Variants in PTCH2 observed in about 807,000 individuals in gnomAD.
PTCH2 encodes patched 2, also known as protein patched homolog 2.
A neutral mutation model predicts 117.9 loss-of-function variants in PTCH2; 96 were observed. That is an observed-to-expected ratio of 0.81 (90% CI 0.69 to 0.96). The LOEUF is 0.96. PTCH2 is among the 50% of genes least tolerant of loss of function. The pLI, the probability that PTCH2 is intolerant of heterozygous loss-of-function variation, is 0.00. For missense variants in PTCH2, 1,379 were observed against 1,562.5 expected, an observed-to-expected ratio of 0.88 and a Z score of 1.98; for synonymous variants, 615 against 660.9, an observed-to-expected ratio of 0.93 and a Z score of 1.06.
intron 19 of PTCH2, among the ~76,000 whole-genome samples, chr1:44,825,844 CTT>C (rs35549385): frequency 1.7e-4 from 20 of 118,346 alleles, no homozygotes; most frequent in Non-Finnish European, 3.5e-5. Flanking sequence ...AGCCCAAATT[CTT>C]TTTTTTTTTT....
intron 10 of PTCH2, 41 bp from the exon 11 acceptor site, chr1:44,829,115 C>T: frequency 6.2e-7 from 1 of 1,613,750 alleles, no homozygotes; most frequent in East Asian, 2.2e-5. Context: ...ACCCGTGAAG[C>T]CTGGTGACTG....
downstream of PTCH2, chr1:44,821,878 C>T: frequency 7.3e-7 from 1 of 1,365,572 alleles, no homozygotes; most frequent in South Asian, 1.1e-5. Flanking sequence ...CTTCCAATAG[C>T]TAATGTTCAC....
At chr1:44,837,389 G>A (rs986677383) in intron 2 of PTCH2, among the ~76,000 whole-genome samples, 14 of 152,194 alleles carry the variant, frequency 9.2e-5, no homozygotes, top group African/African-American at 3.1e-4. Context: ...GAGTAGCTGC[G>A]ATTACAGGTA....
chr1:44,843,121 G>A lies in PTCH2; in HGVS notation c.-189C>T, dbSNP rs937863925. The A allele has an allele frequency of 6.2e-5, 82 of 1,322,922 alleles. No individual in the cohort carries two copies. Among genetic ancestry groups the A allele is most frequent in the South Asian group, 1.0e-4 (5 of 48,308 alleles). The allele number at this position is 1,322,922 out of a possible 1,614,324, so 81.9% of individuals were successfully genotyped here. On this transcript the variant is annotated 5_prime_UTR_variant, in exon 1 of 22. Coordinates refer to ENST00000372192, the MANE Select transcript of PTCH2 (RefSeq NM_003738.5). ...GGGAGGGAGGAGTGCAGGGAGCTGC[G>A]GGTCCGGGGCGCGGCGCCGGGATTC...
Position 44,830,854 on chromosome 1 carries a change from G to T in PTCH2, c.807C>A (p.Ser269Arg), listed in dbSNP as rs1412509673. The T allele has an allele frequency of 6.4e-7, 1 of 1,554,604 alleles. No individual in the cohort carries two copies. Among genetic ancestry groups the T allele is most frequent in the Non-Finnish European group, 8.7e-7 (1 of 1,143,478 alleles). The part of the protein sequence containing the change: ...HCPPSAPNHH[S>R]RQAPNVAHEL... ...AGACCTGGTTGGAACCCACCTGCCT[G>T]CTGTGATGGTTGGGGGCACTAGGTG... The change falls in exon 6 of 22, where the codon AGC becomes AGA. Residue 269 changes from serine (S) to arginine (R), a missense_variant. Ser to Arg is a moderately radical substitution (Grantham distance 110). Coordinates refer to ENST00000372192, the MANE Select transcript of PTCH2 (RefSeq NM_003738.5).
At chr1:44,830,168 G>A in intron 6 of PTCH2, 138 bp from the exon 7 acceptor site, 1 of 1,224,638 alleles carries the variant, frequency 8.2e-7, no homozygotes, top group South Asian at 1.5e-5. Context: ...TGAGCCTCTT[G>A]ACTGCTCTGC....
In PTCH2 at chr1:44,829,015, G is replaced by A. The variant is rs182234912; in HGVS notation, c.1431C>T (p.Ala477=). Residue 477 remains alanine (A), a synonymous_variant, in exon 11 of 22, where the codon GCC becomes GCT. Transcript: ENST00000372192. The part of the protein sequence containing the change: ...GVDDVFLLAH[A]FTEALPGTPL... Reference sequence around the variant, plus strand: ...GGGTGCCAGGCAGAGCCTCTGTGAAGGCATGCGCCAGCAGGAATACGTCAT... The same window carrying A: ...GGGTGCCAGGCAGAGCCTCTGTGAAAGCATGCGCCAGCAGGAATACGTCAT... The A allele has an allele frequency of 1.4e-4, 216 of 1,573,686 alleles. No individual in the cohort carries two copies. In the East Asian group the frequency reaches 5.0e-3, roughly 37 times the overall value.
Position 44,822,415 on chromosome 1 carries a change from T to G in PTCH2, c.3612A>C (p.Ter1204CysextTer4). The change falls in exon 22 of 22, where the codon TGA becomes TGC. Residue 1204 changes from the stop codon to cysteine (C), a stop_lost. Transcript: ENST00000372192. Reference sequence around the variant, plus strand: ...TGGTCTCTGTGCTTCAGCTGCTCTTTCACCCAGTGGCTGGACCTGGTCCCC... The same window carrying G: ...TGGTCTCTGTGCTTCAGCTGCTCTTGCACCCAGTGGCTGGACCTGGTCCCC... The part of the protein sequence containing the change: ...SSRGPGPATG[*>C] 1 of 1,613,664 alleles carries G rather than the reference T, an allele frequency of 6.2e-7. No homozygotes were observed.
rs1653323736 is a variant in PTCH2, at chr1:44,829,398, C to T, written c.1215+4G>A. On this transcript the variant is annotated splice_donor_region_variant and intron_variant, in intron 9 of 21. Transcript: ENST00000372192. ...GGGGGCAAGGTGCCAGGTGCAAGAC[C>T]CACCATGAGCAGATAGCCTCCCACC... is the stretch of plus-strand genomic sequence containing the variant. 3.7e-6 allele frequency: 6 copies of T among 1,614,036 alleles called. No individual in the cohort carries two copies. The highest frequency in any genetic ancestry group is 5.1e-6 in the Non-Finnish European group (6 of 1,180,014).
In PTCH2 at chr1:44,826,988, C is replaced by G; in HGVS notation, c.2609G>C (p.Gly870Ala). Residue 870 changes from glycine to alanine, a missense_variant, in exon 17 of 22, where the codon GGT becomes GCT. Coordinates refer to ENST00000372192, the MANE Select transcript of PTCH2 (RefSeq NM_003738.5). This position sits in a 1 kb window ranked among gnomAD's most constrained non-coding sequence, Gnocchi z 5.1. ...GAAGTTGGCCTGTGAGGCTGCCAGACCCAGGGGGTCACTGCTCACCCACAC... is the reference window on the plus strand; with the variant it reads ...GAAGTTGGCCTGTGAGGCTGCCAGAGCCAGGGGGTCACTGCTCACCCACAC... ...LTVWVSSDPLGLAASQANFYP... is the reference protein window; with the variant it reads ...LTVWVSSDPLALAASQANFYP... The G allele has an allele frequency of 3.1e-6, 5 of 1,614,078 alleles. No homozygotes were observed. The highest frequency in any genetic ancestry group is 1.3e-5 in the African/African-American group (1 of 75,024).
At position 44,822,246 on chromosome 1, in the gene PTCH2, G is replaced by A. The variant is rs1221077129; in HGVS notation, c.*169C>T. The A allele has an allele frequency of 4.0e-6, 6 of 1,518,414 alleles. No individual in the cohort carries two copies. Among genetic ancestry groups the A allele is most frequent in the Non-Finnish European group, 4.4e-6 (5 of 1,140,476 alleles). 94.1% of individuals were successfully genotyped at this position (1,518,414 alleles called of 1,614,324 possible). On this transcript the variant is annotated 3_prime_UTR_variant, in exon 22 of 22. Transcript: ENST00000372192. ...TCACACAGGCCTGGATGTGCAAATC[G>A]GTGGCTGTTCTGTATGGATATCAGG...
chr1:44,832,452 A>G (rs1225972995), intron 2 of PTCH2, 111 bp from the exon 3 acceptor site: 4 of 1,129,202 alleles, frequency 3.5e-6, no homozygotes, highest in Non-Finnish European at 3.9e-6. Flanking sequence ...GAGGTGCGGC[A>G]GAGAGGAGTC....
In PTCH2 at chr1:44,829,999, C is replaced by T. The variant is rs2148878399; in HGVS notation, c.845G>A (p.Gly282Asp). ...APNVAHELSG[G>D]CHGFSHKFMH... ...GAATTTGTGGGAGAAGCCATGGCAG[C>T]CCCCACTCAGCTCGTGAGCCACATT... Residue 282 changes from glycine to aspartate, a missense_variant, in exon 7 of 22, where the codon GGC becomes GAC. Transcript: ENST00000372192. 1 of 1,614,118 alleles carries T rather than the reference C, an allele frequency of 6.2e-7. No homozygotes were observed. Among genetic ancestry groups the T allele is most frequent in the Non-Finnish European group, 8.5e-7 (1 of 1,180,002 alleles).
At position 44,843,244 on chromosome 1, in the gene PTCH2, T is replaced by TGGCAACTGCAGTCCCCGGGAGGC. The variant is rs1654030653; in HGVS notation, c.-313_-312insGCCTCCCGGGGACTGCAGTTGCC. On this transcript the variant is annotated 5_prime_UTR_variant, in exon 1 of 22. Transcript: ENST00000372192. Reference sequence around the variant, plus strand: ...CCGAGACGCACAGCAGGGCTCGAGGTGGCAACTGCAGTCCCCGGGAGGCGG... The same window carrying TGGCAACTGCAGTCCCCGGGAGGC: ...CCGAGACGCACAGCAGGGCTCGAGGTGGCAACTGCAGTCCCCGGGAGGCGGCAACTGCAGTCCCCGGGAGGCGG... The TGGCAACTGCAGTCCCCGGGAGGC allele has an allele frequency of 9.1e-6, 9 of 984,916 alleles. No individual in the cohort carries two copies. In the South Asian group the frequency reaches 1.9e-4, roughly 21 times the overall value. 61.0% of individuals were successfully genotyped at this position (984,916 alleles called of 1,614,324 possible).
downstream of PTCH2, chr1:44,819,880 T>C (rs142939610): frequency 7.1e-3 from 1,083 of 153,170 alleles, 9 homozygotes; most frequent in Middle Eastern, 0.014. Flanking sequence ...TACTTAAAAA[T>C]GTAGCCTCAG....
chr1:44,821,634 A>G (rs11573600), downstream of PTCH2: 2,855 of 397,558 alleles, frequency 7.2e-3, 80 homozygotes, highest in African/African-American at 0.059. Flanking sequence ...AGAGACGGGC[A>G]GGCTGGAATA....
intron 21 of PTCH2, 134 bp from the exon 22 acceptor site, chr1:44,822,803 G>T (rs1652966858): frequency 2.0e-6 from 2 of 1,001,658 alleles, no homozygotes. Context: ...ATGAGAGCTG[G>T]CAGGCGACAG....
chr1:44,830,105 C>T, intron 6 of PTCH2, 75 bp from the exon 7 acceptor site: 1 of 1,581,920 alleles, frequency 6.3e-7, no homozygotes, highest in Non-Finnish European at 8.6e-7. Context: ...CTTCCACCTC[C>T]AGGAACCACG....
In PTCH2 at chr1:44,831,758, G is replaced by C. The variant is rs747885797; in HGVS notation, c.565C>G (p.Leu189Val). 4.9e-5 allele frequency: 78 copies of C among 1,586,836 alleles called. No individual in the cohort carries two copies. The Middle Eastern group carries it at 1.3e-3, about 27-fold the overall frequency. Residue 189 changes from leucine to valine, a missense_variant, in exon 5 of 22, where the codon CTC (leucine) becomes GTC (valine). Coordinates refer to ENST00000372192, the MANE Select transcript of PTCH2 (RefSeq NM_003738.5). The surrounding 1 kb of genome is among the most constrained non-coding windows in gnomAD (Gnocchi z 4.3). ...TTGGCTCCCTCCCAGAAGCAGTCGA[G>C]GGGGGTGAGGATCACGCACGGAAAC... Reference protein sequence around the residue: ...KLFPCVILTPLDCFWEGAKLQ... With the variant: ...KLFPCVILTPVDCFWEGAKLQ...
Sources: allele counts gnomAD v4.1 joint callset (sites outside exome capture counted in the v4.1 genomes callset), GRCh38; gene constraint gnomAD v4.1.1; non-coding constraint Gnocchi (gnomAD v3.1); transcripts MANE v1.5; gene names NCBI Gene and HGNC (gene_info 2026-07-23, HGNC 2026-07-21).